The following VPS16 variants were observed in gnomAD, a reference collection of about 807,000 sequenced individuals.
The protein encoded by VPS16 is vacuolar protein sorting-associated protein 16 homolog.
Under a neutral mutation model 116.0 loss-of-function variants are expected in VPS16, and 82 were observed. That is an observed-to-expected ratio of 0.71 (90% confidence interval 0.59 to 0.85). The LOEUF (loss-of-function observed/expected upper bound fraction) is 0.85, where lower values mean the gene tolerates loss of function less well. Ranked by LOEUF, VPS16 falls within the 40% of genes least tolerant of loss-of-function variation. The pLI, the probability that VPS16 is intolerant of heterozygous loss-of-function variation, is 0.00. For missense variants in VPS16, 928 were observed against 1,090.6 expected, an observed-to-expected ratio of 0.85 and a Z score of 2.10; for synonymous variants, 406 against 420.7, an observed-to-expected ratio of 0.96 and a Z score of 0.43.
chr20:2,850,430 T>C (rs1305091745), intron 1 of VPS16, among the ~76,000 whole-genome samples: 1 of 152,068 alleles, frequency 6.6e-6, no homozygotes, highest in Non-Finnish European at 1.5e-5. Flanking sequence ...AAATCGAGAC[T>C]ATCTGGCCAA....
In VPS16 at chr20:2,860,731, C is replaced by T; in HGVS notation, c.515-17C>T. 6.2e-7 allele frequency: 1 copy of T among 1,613,680 alleles called. No homozygotes were observed. Among genetic ancestry groups the T allele is most frequent in the Non-Finnish European group, 8.5e-7 (1 of 1,180,018 alleles). On this transcript the variant is annotated splice_polypyrimidine_tract_variant and intron_variant, in intron 5 of 23. Coordinates refer to ENST00000380445, the MANE Select transcript of VPS16 (RefSeq NM_022575.4). The surrounding 1 kb of genome is among the most constrained non-coding windows in gnomAD (Gnocchi z 6.1). Reference sequence around the variant, plus strand: ...GGGCCTTGGTCATCCTAACACTGTCCTTTTCCCTGGCCATAGGTCTGCAAA... The same window carrying T: ...GGGCCTTGGTCATCCTAACACTGTCTTTTTCCCTGGCCATAGGTCTGCAAA...
At chr20:2,866,123 C>T (rs1256859249) in intron 22 of VPS16, 89 bp from the exon 23 acceptor site, 121 of 1,096,902 alleles carry the variant, frequency 1.1e-4, no homozygotes, top group Non-Finnish European at 1.5e-4. Context: ...TATATATGGA[C>T]GATGTATGCA....
rs775245593 is a variant in VPS16, at chr20:2,864,184, G to A, written c.1617G>A (p.Leu539=). 35 of 1,614,074 alleles carry A rather than the reference G, an allele frequency of 2.2e-5. 1 individual carries two copies. In the South Asian group the frequency reaches 3.6e-4, roughly 17 times the overall value. The part of the protein sequence containing the change: ...CGRTELAIKL[L]EYEPRSGEQV... ...CCTTCCTTCTCACCTCACAGCTGCT[G>A]GAGTATGAGCCACGCTCAGGGGAGC... is the stretch of plus-strand genomic sequence containing the variant. The change falls in exon 17 of 24, where the codon CTG becomes CTA. Residue 539 remains leucine (L), a synonymous_variant. Coordinates refer to ENST00000380445, the MANE Select transcript of VPS16 (RefSeq NM_022575.4). This position sits in a 1 kb window ranked among gnomAD's most constrained non-coding sequence, Gnocchi z 5.2.
chr20:2,850,666 G>T (rs1482380219), intron 1 of VPS16, among the ~76,000 whole-genome samples: 1 of 151,808 alleles, frequency 6.6e-6, no homozygotes, highest in Non-Finnish European at 1.5e-5. Context: ...ATTTAACTGT[G>T]ATAAAGGAGT....
intron 9 of VPS16, 21 bp downstream of exon 9, chr20:2,861,725 G>A (rs775234025): frequency 1.2e-6 from 2 of 1,612,326 alleles, no homozygotes; most frequent in East Asian, 2.2e-5. Flanking sequence ...AGGGCTGCCT[G>A]TGTGTGGAGA....
chr20:2,864,989 G>A lies in VPS16; in HGVS notation c.1938G>A (p.Gly646=), dbSNP rs755872162. 1 of 1,614,116 alleles carries A rather than the reference G, an allele frequency of 6.2e-7. No individual in the cohort carries two copies. Among genetic ancestry groups the A allele is most frequent in the South Asian group, 1.1e-5 (1 of 91,076 alleles). Reference sequence around the variant, plus strand: ...TCTTGTCTTTATAGCGTATTGAGGGGCGAGTAGCAGCTCTGCAGACAGCCG... The same window carrying A: ...TCTTGTCTTTATAGCGTATTGAGGGACGAGTAGCAGCTCTGCAGACAGCCG... The part of the protein sequence containing the change: ...ASYAAEERIE[G]RVAALQTAAD... The change falls in exon 20 of 24, where the codon GGG becomes GGA. Residue 646 remains glycine (G), a synonymous_variant. Coordinates refer to ENST00000380445, the MANE Select transcript of VPS16 (RefSeq NM_022575.4). This position sits in a 1 kb window ranked among gnomAD's most constrained non-coding sequence, Gnocchi z 5.2.
At chr20:2,859,998 C>G in intron 2 of VPS16, 56 bp from the exon 3 acceptor site, 1 of 1,606,280 alleles carries the variant, frequency 6.2e-7, no homozygotes, top group South Asian at 1.1e-5. Flanking sequence ...GTGAGGCCTG[C>G]TTCACATGGG....
At chr20:2,866,355 C>T (rs368743912) in intron 23 of VPS16, 40 bp downstream of exon 23, 44 of 1,613,978 alleles carry the variant, frequency 2.7e-5, no homozygotes, top group Non-Finnish European at 3.5e-5. Flanking sequence ...GGTGGCTGAG[C>T]TGTGGGCTGG....
chr20:2,861,577 G>A (rs756257731), intron 8 of VPS16, 38 bp from the exon 9 acceptor site: 47 of 1,573,162 alleles, frequency 3.0e-5, no homozygotes, highest in Non-Finnish European at 3.9e-5. Flanking sequence ...ACATGGCCAT[G>A]GGACAGTGTC....
Position 2,862,875 on chromosome 20 carries a change from C to T in VPS16, c.1272C>T (p.Asp424=). The change falls in exon 13 of 24, where the codon GAC becomes GAT. Residue 424 remains aspartate, a synonymous_variant. Coordinates refer to ENST00000380445, the MANE Select transcript of VPS16 (RefSeq NM_022575.4). The stretch of plus-strand genomic sequence containing the variant: ...ACAGCTTCGTGCACATGTGTCAGGA[C>T]CTGCGTGTGCTCAATGCTGTTCGGG... The part of the protein sequence containing the change: ...PPDSFVHMCQ[D]LRVLNAVRDY... The T allele has an allele frequency of 1.2e-6, 2 of 1,614,136 alleles. No individual in the cohort carries two copies. Among genetic ancestry groups the T allele is most frequent in the Non-Finnish European group, 1.7e-6 (2 of 1,180,026 alleles).
In VPS16 at chr20:2,866,070, G is replaced by T. The variant is rs1390735607; in HGVS notation, c.2272-142G>T. ...TGAGATCACAACTGTCTGTGCATGG[G>T]GGTTGGGGGATTATATGTACTGACG... On this transcript the variant is annotated intron_variant, in intron 22 of 23. Transcript: ENST00000380445. 6 of 718,176 alleles carry T rather than the reference G, an allele frequency of 8.4e-6. No homozygotes were observed. In the Admixed American group the frequency reaches 1.4e-4, roughly 16 times the overall value. 44.5% of individuals were successfully genotyped at this position (718,176 alleles called of 1,614,324 possible).
chr20:2,864,933 G>C lies in VPS16; in HGVS notation c.1927-45G>C, dbSNP rs2089303874. The C allele has an allele frequency of 6.2e-7, 1 of 1,611,954 alleles. No homozygotes were observed. Among genetic ancestry groups the C allele is most frequent in the South Asian group, 1.1e-5 (1 of 91,020 alleles). On this transcript the variant is annotated intron_variant, in intron 19 of 23. Transcript: ENST00000380445. The surrounding 1 kb of genome is among the most constrained non-coding windows in gnomAD (Gnocchi z 5.2). ...CTGTAGCCTGGGTGAGGAGGGCGAG[G>C]GTCCTGCATGCTGTGAGTTCAGGCC...
chr20:2,846,495 T>A (rs1017423807), intron 1 of VPS16, among the ~76,000 whole-genome samples: 3 of 152,188 alleles, frequency 2.0e-5, no homozygotes, highest in Non-Finnish European at 2.9e-5. Flanking sequence ...CTATGTTTAC[T>A]TTTTTCCATA....
rs765608776 is a variant in VPS16, at chr20:2,863,314, C to T, written c.1392C>T (p.Pro464=). Residue 464 remains proline (P), a synonymous_variant, in exon 15 of 24, where the codon CCC becomes CCT. Coordinates refer to ENST00000380445, the MANE Select transcript of VPS16 (RefSeq NM_022575.4). This position sits in a 1 kb window ranked among gnomAD's most constrained non-coding sequence, Gnocchi z 4.4. ...LDRLVLRRLY[P]LAIQICEYLR... is the part of the protein sequence containing the mutation. ...GGCTCGTGTTGCGGAGACTTTACCC[C>T]CTGGCCATCCAGATATGCGAGTACT... The T allele has an allele frequency of 1.9e-6, 3 of 1,614,210 alleles. No homozygotes were observed. Among genetic ancestry groups the T allele is most frequent in the Non-Finnish European group, 2.5e-6 (3 of 1,180,052 alleles).
At chr20:2,859,973 C>A in intron 2 of VPS16, 81 bp from the exon 3 acceptor site, 1 of 1,576,874 alleles carries the variant, frequency 6.3e-7, no homozygotes, top group Non-Finnish European at 8.7e-7. Flanking sequence ...TGGGGTGGGC[C>A]TGGGGAGCCA....
intron 1 of VPS16, among the ~76,000 whole-genome samples, chr20:2,855,867 G>A (rs1393831629): frequency 6.6e-6 from 1 of 152,326 alleles, no homozygotes; most frequent in African/African-American, 2.4e-5. Flanking sequence ...CTAAGGGAAT[G>A]TTGTGATCTT....
At chr20:2,852,976 CT>C (rs2089136458) in intron 1 of VPS16, among the ~76,000 whole-genome samples, 2 of 152,206 alleles carry the variant, frequency 1.3e-5, no homozygotes, top group African/African-American at 4.8e-5. Context: ...CAAAATAGAA[CT>C]TTCAAAATTG....
chr20:2,852,652 T>C (rs1364113311), intron 1 of VPS16, among the ~76,000 whole-genome samples: 2 of 152,242 alleles, frequency 1.3e-5, no homozygotes, highest in South Asian at 2.1e-4. Context: ...TATAAAAGTT[T>C]TATGTTTACA....
At position 2,862,841 on chromosome 20, in the gene VPS16, T is replaced by A; in HGVS notation, c.1238T>A (p.Phe413Tyr). The change falls in exon 13 of 24, where the codon TTT (phenylalanine) becomes TAT (tyrosine). Residue 413 changes from phenylalanine to tyrosine, a missense_variant. Physicochemically the swap from Phe to Tyr is conservative, Grantham distance 22. Coordinates refer to ENST00000380445, the MANE Select transcript of VPS16 (RefSeq NM_022575.4). ...TTCGGAAAGTGTTTCCTGGACAGAT[T>A]TCCACCCGACAGCTTCGTGCACATG... ...ASFGKCFLDR[F>Y]PPDSFVHMCQ... 10 of 1,614,088 alleles carry A rather than the reference T, an allele frequency of 6.2e-6. No individual in the cohort carries two copies. The highest frequency in any genetic ancestry group is 8.5e-6 in the Non-Finnish European group (10 of 1,180,016).
Sources: allele counts gnomAD v4.1 joint callset (sites outside exome capture counted in the v4.1 genomes callset), GRCh38; gene constraint gnomAD v4.1.1; non-coding constraint Gnocchi (gnomAD v3.1); transcripts MANE v1.5; gene names NCBI Gene and HGNC (gene_info 2026-07-23, HGNC 2026-07-21).